The following SERPINB2 variants were observed in gnomAD, a reference collection of about 807,000 sequenced individuals.
SERPINB2 encodes serpin family B member 2.
In SERPINB2, 28 loss-of-function variants were observed where a neutral mutation model predicts 39.4. The ratio of observed to expected loss-of-function variants is 0.71; its 90% CI spans 0.53 to 0.97. The LOEUF is 0.97. Ranked by LOEUF, SERPINB2 falls within the 50% of genes least tolerant of loss-of-function variation. The pLI, the probability that SERPINB2 is intolerant of heterozygous loss-of-function variation, is 0.00. For synonymous variants in SERPINB2, 209 were observed against 175.1 expected (o/e 1.19, Z -1.53); for missense variants, 557 against 505.3 (o/e 1.10, Z -0.98).
chr18:63,900,405 C>G (rs889523795), intron 5 of SERPINB2, among the ~76,000 whole-genome samples: 2 of 152,130 alleles, frequency 1.3e-5, no homozygotes, highest in Non-Finnish European at 2.9e-5. Flanking sequence ...TGGCTTCACC[C>G]AGGAAAGTAT....
chr18:63,897,639 T>C (rs974703709), intron 4 of SERPINB2, 88 bp from the exon 5 acceptor site: 6 of 995,342 alleles, frequency 6.0e-6, no homozygotes, highest in African/African-American at 4.9e-5. Context: ...GGTCTCCTAA[T>C]TTCAATGGGA....
intron 4 of SERPINB2, 148 bp from the exon 5 acceptor site, chr18:63,897,579 C>T: frequency 1.4e-6 from 1 of 719,498 alleles, no homozygotes; most frequent in Non-Finnish European, 2.5e-6. Flanking sequence ...CACTCTTTCC[C>T]CCTTCAGCAC....
intron 3 of SERPINB2, 152 bp downstream of exon 3, chr18:63,895,535 T>A: frequency 3.0e-6 from 3 of 995,270 alleles, no homozygotes; most frequent in Non-Finnish European, 4.5e-6. Context: ...GAAAAACATG[T>A]CCTAAGATGA....
intron 2 of SERPINB2, among the ~76,000 whole-genome samples, chr18:63,893,357 G>T (rs2049938846): frequency 1.3e-5 from 2 of 152,228 alleles, no homozygotes; most frequent in South Asian, 4.2e-4. Context: ...TAAACTGATT[G>T]CTCTGGACAC....
In SERPINB2 at chr18:63,903,257, T is replaced by G; in HGVS notation, c.1200T>G (p.His400Gln). 6 of 1,578,554 alleles carry G rather than the reference T, an allele frequency of 3.8e-6. No individual in the cohort carries two copies. Among genetic ancestry groups the G allele is most frequent in the Non-Finnish European group, 5.2e-6 (6 of 1,163,924 alleles). The part of the protein sequence containing the change: ...ADHPFLFLIM[H>Q]KITNCILFFG... Reference sequence around the variant, plus strand: ...ATCCTTTTCTTTTTCTTATTATGCATAAGATAACCAACTGCATTTTATTTT... The same window carrying G: ...ATCCTTTTCTTTTTCTTATTATGCAGAAGATAACCAACTGCATTTTATTTT... The change falls in exon 8 of 8, where the codon CAT becomes CAG. Residue 400 changes from histidine to glutamine, a missense_variant. Transcript: ENST00000299502.
chr18:63,887,773 A>G lies in SERPINB2; in HGVS notation c.-10+3A>G, dbSNP rs1226666933. 1 of 152,176 alleles carries G rather than the reference A, an allele frequency of 6.6e-6. No individual in the cohort carries two copies. Among genetic ancestry groups the G allele is most frequent in the East Asian group, 1.9e-4 (1 of 5,190 alleles). The allele number at this position is 152,176 out of a possible 1,614,324, so 9.4% of individuals were successfully genotyped here. On this transcript the variant is annotated splice_donor_region_variant and intron_variant, in intron 1 of 7. Transcript: ENST00000299502. Reference sequence around the variant, plus strand: ...GAGAATAACCAGAGAACAACCAGGTATTTCAATGATTTCCATGCCATGTCT... The same window carrying G: ...GAGAATAACCAGAGAACAACCAGGTGTTTCAATGATTTCCATGCCATGTCT...
chr18:63,901,609 A>G (rs2049991371), intron 5 of SERPINB2, 131 bp from the exon 6 acceptor site: 1 of 612,680 alleles, frequency 1.6e-6, no homozygotes, highest in Non-Finnish European at 2.5e-6. Flanking sequence ...AAATAAACCT[A>G]AAAAACTTTA....
chr18:63,901,947 A>G (rs958711608), intron 6 of SERPINB2, 65 bp downstream of exon 6: 1 of 1,470,496 alleles, frequency 6.8e-7, no homozygotes, highest in Non-Finnish European at 9.2e-7. Context: ...ATATAGACAG[A>G]AAAATTAGAG....
intron 6 of SERPINB2, 136 bp downstream of exon 6, chr18:63,902,018 T>C: frequency 6.0e-6 from 5 of 836,226 alleles, no homozygotes; most frequent in Non-Finnish European, 9.1e-6. Flanking sequence ...ATTGACTCTT[T>C]AGAAACAGTA....
chr18:63,902,301 A>G (rs1298135768), intron 6 of SERPINB2, 103 bp from the exon 7 acceptor site: 3 of 1,053,282 alleles, frequency 2.8e-6, no homozygotes, highest in Admixed American at 5.9e-5. Context: ...AAAAAATCAC[A>G]TTTATCCTAC....
chr18:63,902,950 A>T lies in SERPINB2; in HGVS notation c.893A>T (p.Asp298Val), dbSNP rs1277332002. ...AAACTCAACAAGTGGACCAGCAAAG[A>T]CAAAATGGCTGAAGATGAAGTTGAG... ...YDKLNKWTSK[D>V]KMAEDEVEVY... is the part of the protein sequence containing the mutation. Residue 298 changes from aspartate (D) to valine (V), a missense_variant, in exon 8 of 8, where the codon GAC becomes GTC. Coordinates refer to ENST00000299502, the MANE Select transcript of SERPINB2 (RefSeq NM_002575.3). 2 of 1,613,318 alleles carry T rather than the reference A, an allele frequency of 1.2e-6. No individual in the cohort carries two copies. Among genetic ancestry groups the T allele is most frequent in the East Asian group, 4.5e-5 (2 of 44,836 alleles).
rs766722343 is a variant in SERPINB2, at chr18:63,897,142, A to G, written c.340A>G (p.Ile114Val). 4 of 1,613,504 alleles carry G rather than the reference A, an allele frequency of 2.5e-6. No individual in the cohort carries two copies. Among genetic ancestry groups the G allele is most frequent in the East Asian group, 2.2e-5 (1 of 44,862 alleles). The change falls in exon 4 of 8, where the codon ATC becomes GTC. Residue 114 changes from isoleucine (I) to valine (V), a missense_variant. Coordinates refer to ENST00000299502, the MANE Select transcript of SERPINB2 (RefSeq NM_002575.3). ...ATCCTTCCGCTCTCTCAGCTCTGCA[A>G]TCAATGCATCCACAGGGAATTATTT... The part of the protein sequence containing the change: ...HSSFRSLSSA[I>V]NASTGNYLLE...
chr18:63,893,700 C>T (rs2049941312), intron 2 of SERPINB2, among the ~76,000 whole-genome samples: 1 of 152,142 alleles, frequency 6.6e-6, no homozygotes, highest in Non-Finnish European at 1.5e-5. Context: ...GTGTAGCATG[C>T]AAGAAAGTTG....
chr18:63,895,806 A>G (rs951352045), intron 3 of SERPINB2, among the ~76,000 whole-genome samples: 2 of 152,212 alleles, frequency 1.3e-5, no homozygotes, highest in African/African-American at 4.8e-5. Flanking sequence ...ACCTTCAGGT[A>G]ACTTTCCTTC....
chr18:63,894,133 T>C (rs1280486993), intron 2 of SERPINB2, among the ~76,000 whole-genome samples: 1 of 152,114 alleles, frequency 6.6e-6, no homozygotes. Flanking sequence ...TGCAGGGACA[T>C]CTCCCTGAGT....
Position 63,897,587 on chromosome 18 carries a change from C to G in SERPINB2, c.418-140C>G, listed in dbSNP as rs990137083. Reference sequence around the variant, plus strand: ...GGGTCTGCACTCTTTCCCCCTTCAGCACCTGCCTTCCATAGCCAACCTCCA... The same window carrying G: ...GGGTCTGCACTCTTTCCCCCTTCAGGACCTGCCTTCCATAGCCAACCTCCA... On this transcript the variant is annotated intron_variant, in intron 4 of 7. Transcript: ENST00000299502. 2.2e-4 allele frequency: 162 copies of G among 739,016 alleles called. 1 individual carries two copies. The highest frequency in any genetic ancestry group is 3.2e-4 in the Non-Finnish European group (133 of 411,216). The allele number at this position is 739,016 out of a possible 1,614,324, so 45.8% of individuals were successfully genotyped here. A position where few individuals can be genotyped will look rare whatever the true frequency, so the allele number is the denominator to read the frequency against.
intron 3 of SERPINB2, 118 bp downstream of exon 3, chr18:63,895,501 A>G: frequency 1.6e-6 from 2 of 1,281,026 alleles, no homozygotes; most frequent in Non-Finnish European, 2.2e-6. Context: ...TCACAGAAAG[A>G]AAACTAAGAC....
rs757500045 is a variant in SERPINB2 at position 63,895,166 on chromosome 18, G to C, written c.169-98G>C. 1.0e-5 allele frequency: 15 copies of C among 1,433,500 alleles called. No individual in the cohort carries two copies. The African/African-American group carries it at 1.9e-4, about 18-fold the overall frequency. 88.8% of individuals were successfully genotyped at this position (1,433,500 alleles called of 1,614,324 possible). ...TCCCCATGTATAAGGGAAGGGAAAA[G>C]ATCTAGGACCATTTTAGAGCCACCT... On this transcript the variant is annotated intron_variant, in intron 2 of 7. Transcript: ENST00000299502.
Position 63,902,924 on chromosome 18 carries a change from C to T in SERPINB2, c.867C>T (p.Asp289=). The T allele has an allele frequency of 1.2e-6, 2 of 1,609,368 alleles. No individual in the cohort carries two copies. Among genetic ancestry groups the T allele is most frequent in the Non-Finnish European group, 1.7e-6 (2 of 1,177,664 alleles). Residue 289 remains aspartate, a synonymous_variant, in exon 8 of 8, where the codon GAC becomes GAT. Transcript: ENST00000299502. ...AGCTGGAAAGTGAAATAACCTATGA[C>T]AAACTCAACAAGTGGACCAGCAAAG... is the stretch of plus-strand genomic sequence containing the variant. ...LELLESEITY[D]KLNKWTSKDK... is the part of the protein sequence containing the mutation.
Sources: allele counts gnomAD v4.1 joint callset (sites outside exome capture counted in the v4.1 genomes callset), GRCh38; gene constraint gnomAD v4.1.1; transcripts MANE v1.5; gene names NCBI Gene and HGNC (gene_info 2026-07-23, HGNC 2026-07-21).